CRYBG1: variants seen among roughly 807,000 people sequenced by gnomAD.
CRYBG1 encodes the protein beta/gamma crystallin domain-containing protein 1.
A neutral mutation model predicts 189.2 loss-of-function variants in CRYBG1; 139 were observed. That is an observed-to-expected ratio of 0.73 (90% CI 0.64 to 0.85). CRYBG1 has a LOEUF of 0.85. Among genes scored for constraint, CRYBG1 ranks in the 40% least tolerant of loss-of-function variants. The probability of loss-of-function intolerance (pLI) is 0.00; values close to 1 mark genes in which losing one functional copy is unlikely to be tolerated. For synonymous variants in CRYBG1, 1,023 were observed against 1,017.1 expected (o/e 1.01, Z -0.11); for missense variants, 2,611 against 2,675.8 (o/e 0.98, Z 0.53).
chr6:106,480,480 C>A (rs978267352), intron 2 of CRYBG1, among the ~76,000 whole-genome samples: 2 of 145,568 alleles, frequency 1.4e-5, no homozygotes, highest in Admixed American at 7.0e-5. Flanking sequence ...CAGGCTAACA[C>A]GGTATTTTTT....
At chr6:106,517,341 TAC>T (rs200196517) in intron 3 of CRYBG1, among the ~76,000 whole-genome samples, 2 of 141,046 alleles carry the variant, frequency 1.4e-5, no homozygotes, top group Admixed American at 7.2e-5. Context: ...CATATATATA[TAC>T]ACACACATAT....
In CRYBG1 at chr6:106,521,711, C is replaced by CTTTTTTTTTTTTT. The variant is rs397976859; in HGVS notation, c.4245+271_4245+283dup. On this transcript the variant is annotated intron_variant, in intron 4 of 21. Transcript: ENST00000633556. Reference sequence around the variant, plus strand: ...CTACAAATGCTCTAAGGCACATGATCTTTTTTTTTTTTTTTTTTTTTTTTT... The same window carrying CTTTTTTTTTTTTT: ...CTACAAATGCTCTAAGGCACATGATCTTTTTTTTTTTTTTTTTTTTTTTTTTTTTTTTTTTTTT... 6.1e-4 allele frequency among the ~76,000 whole-genome samples: 44 copies of CTTTTTTTTTTTTT among 72,184 alleles called. 3 individuals carry two copies. Among genetic ancestry groups the CTTTTTTTTTTTTT allele is most frequent in the African/African-American group, 2.4e-3 (41 of 17,142 alleles). The allele number at this position is 72,184 out of a possible 152,430, so 47.4% of individuals were successfully genotyped here.
intron 4 of CRYBG1, among the ~76,000 whole-genome samples, chr6:106,524,262 T>C (rs892064536): frequency 6.6e-6 from 1 of 152,166 alleles, no homozygotes; most frequent in Non-Finnish European, 1.5e-5. Context: ...GTATTTTGTC[T>C]ATCAAAAAAG....
At chr6:106,549,300 C>T (rs918689090) in intron 13 of CRYBG1, among the ~76,000 whole-genome samples, 8 of 152,084 alleles carry the variant, frequency 5.3e-5, no homozygotes, top group Non-Finnish European at 1.0e-4. Flanking sequence ...CTGGTCAGCC[C>T]GGGGACCTTG....
intron 11 of CRYBG1, among the ~76,000 whole-genome samples, chr6:106,544,003 G>A (rs1359615597): frequency 6.6e-6 from 1 of 152,250 alleles, no homozygotes; most frequent in African/African-American, 2.4e-5. Context: ...GGTGAGCCAA[G>A]ATCGCACCAT....
chr6:106,451,310 A>G (rs1301866109), intron 1 of CRYBG1, among the ~76,000 whole-genome samples: 2 of 152,326 alleles, frequency 1.3e-5, no homozygotes, highest in Non-Finnish European at 1.5e-5. Context: ...TCCAGTGTTC[A>G]GGAAACTTAC....
In CRYBG1 at chr6:106,423,694, C is replaced by CTTTTTTTTTTTTTTT. The variant is rs1350862841; in HGVS notation, c.174-28000_174-27999insTTTTTTTTTTTTTTT. ...CCCTCCAGTCCTCAGTTCTCCCTCC[C>CTTTTTTTTTTTTTTT]CTTTTTTTTTTTTTTTTTTTTTTTT... On this transcript the variant is annotated intron_variant, in intron 1 of 21. Coordinates refer to ENST00000633556, the MANE Select transcript of CRYBG1 (RefSeq NM_001371242.2). 3.0e-5 allele frequency among the ~76,000 whole-genome samples: 3 copies of CTTTTTTTTTTTTTTT among 101,246 alleles called. 1 individual carries two copies. The allele number at this position is 101,246 out of a possible 152,430, so 66.4% of individuals were successfully genotyped here. A position where few individuals can be genotyped will look rare whatever the true frequency, so the allele number is the denominator to read the frequency against.
rs1203119270 is a variant in CRYBG1 at position 106,512,691 on chromosome 6, T to TGCCCGCCCC, written c.1582_1590dup (p.Pro528_Ala530dup). The TGCCCGCCCC allele has an allele frequency of 2.0e-6, 3 of 1,538,186 alleles. No homozygotes were observed. Among genetic ancestry groups the TGCCCGCCCC allele is most frequent in the South Asian group, 2.4e-5 (2 of 82,398 alleles). On this transcript the variant is annotated inframe_insertion, in exon 3 of 22. Coordinates refer to ENST00000633556, the MANE Select transcript of CRYBG1 (RefSeq NM_001371242.2). ...GGCAGGAGCCGTGCCCTCGAGGCCGTGCCCGCCCCGCCCGCCAGCGGCCCC... is the reference window on the plus strand; with the variant it reads ...GGCAGGAGCCGTGCCCTCGAGGCCGTGCCCGCCCCGCCCGCCCCGCCCGCCAGCGGCCCC...
intron 1 of CRYBG1, among the ~76,000 whole-genome samples, chr6:106,393,391 G>A (rs956971001): frequency 2.8e-5 from 4 of 142,938 alleles, no homozygotes; most frequent in South Asian, 2.4e-4. Context: ...GGGTTGTAAC[G>A]CTAACATAGT....
intron 2 of CRYBG1, among the ~76,000 whole-genome samples, chr6:106,509,781 T>G (rs1157464987): frequency 1.3e-5 from 2 of 151,910 alleles, no homozygotes; most frequent in Non-Finnish European, 2.9e-5. Flanking sequence ...GCGACTTGGA[T>G]TTGAATTCTG....
At chr6:106,375,348 T>A (rs182574478) in intron 1 of CRYBG1, among the ~76,000 whole-genome samples, 1 of 152,204 alleles carries the variant, frequency 6.6e-6, no homozygotes, top group Admixed American at 6.5e-5. Flanking sequence ...ATTAAGCCAC[T>A]GCCCTGCAGC....
rs79761194 is a variant in CRYBG1 at position 106,501,674 on chromosome 6, C to G, written c.313-9756C>G. Among the ~76,000 whole-genome samples the G allele has an allele frequency of 4.9e-3, 742 of 152,290 alleles. 5 individuals carry two copies. The highest frequency in any genetic ancestry group is 9.2e-3 in the Non-Finnish European group (626 of 68,014). On this transcript the variant is annotated intron_variant, in intron 2 of 21. Coordinates refer to ENST00000633556, the MANE Select transcript of CRYBG1 (RefSeq NM_001371242.2). ...AGTACCCTGTATGATAGATGTGCAACTTTTGAGAGAATAAGTGATTTGATC... is the reference window on the plus strand; with the variant it reads ...AGTACCCTGTATGATAGATGTGCAAGTTTTGAGAGAATAAGTGATTTGATC...
At chr6:106,493,905 G>A (rs6906630) in intron 2 of CRYBG1, among the ~76,000 whole-genome samples, 4 of 151,912 alleles carry the variant, frequency 2.6e-5, no homozygotes, top group Admixed American at 6.6e-5. Context: ...CATGGCATAC[G>A]TTTACCCATG....
At chr6:106,367,912 T>G (rs1769919439) in intron 1 of CRYBG1, among the ~76,000 whole-genome samples, 1 of 152,088 alleles carries the variant, frequency 6.6e-6, no homozygotes, top group African/African-American at 2.4e-5. Context: ...ATCATGCTAC[T>G]GCACTCTAGC....
At chr6:106,427,706 G>T (rs1348757754) in intron 1 of CRYBG1, among the ~76,000 whole-genome samples, 1 of 152,002 alleles carries the variant, frequency 6.6e-6, no homozygotes, top group Non-Finnish European at 1.5e-5. Flanking sequence ...TTTTTCCTCA[G>T]AGGGATTCTT....
intron 1 of CRYBG1, among the ~76,000 whole-genome samples, chr6:106,385,666 G>A (rs1210705130): frequency 2.6e-5 from 4 of 152,130 alleles, no homozygotes; most frequent in Admixed American, 6.6e-5. Context: ...CGGTAGACTC[G>A]TCAACCTGAA....
intron 9 of CRYBG1, chr6:106,541,173 G>A (rs749891741): frequency 2.1e-5 from 10 of 466,620 alleles, no homozygotes; most frequent in Middle Eastern, 3.3e-4. Context: ...CGGCAACCCC[G>A]GGCCTGTGCC....
At position 106,430,747 on chromosome 6, in the gene CRYBG1, G is replaced by A. The variant is rs111821510; in HGVS notation, c.174-20947G>A. ...CGTGGCCTTTCCCTCTCCATGGGGC[G>A]TCTGTAGCCGGGTAGCTGCACCTCT... is the stretch of plus-strand genomic sequence containing the variant. On this transcript the variant is annotated intron_variant, in intron 1 of 21. Coordinates refer to ENST00000633556, the MANE Select transcript of CRYBG1 (RefSeq NM_001371242.2). Among the ~76,000 whole-genome samples the A allele has an allele frequency of 7.8e-3, 1,187 of 152,144 alleles. 7 individuals carry two copies. Among genetic ancestry groups the A allele is most frequent in the African/African-American group, 0.018 (741 of 41,494 alleles).
chr6:106,423,250 GGTTTTTT>G (rs1771161315), intron 1 of CRYBG1, among the ~76,000 whole-genome samples: 1 of 101,710 alleles, frequency 9.8e-6, no homozygotes, highest in South Asian at 3.4e-4. Context: ...AGAGTTGGCT[GGTTTTTT>G]TTTTTTTTTT....
Sources: gnomAD v4.1 joint callset for allele counts (sites outside exome capture counted in the v4.1 genomes callset) on GRCh38, gnomAD v4.1.1 for gene constraint, MANE v1.5 for transcripts, NCBI Gene and HGNC (gene_info 2026-07-23, HGNC 2026-07-21) for gene names.